CSMD3: variants seen among roughly 807,000 people sequenced by gnomAD.
The protein encoded by CSMD3 is CUB and sushi domain-containing protein 3.
In CSMD3, 177 loss-of-function variants were observed where a neutral mutation model predicts 435.2. The ratio of observed to expected loss-of-function variants is 0.41; its 90% CI spans 0.36 to 0.46. The LOEUF (loss-of-function observed/expected upper bound fraction) is 0.46, where lower values mean the gene tolerates loss of function less well. Among genes scored for constraint, CSMD3 ranks in the 20% least tolerant of loss-of-function variants. CSMD3 has a pLI of 0.34. For synonymous variants in CSMD3, 1,656 were observed against 1,520.5 expected (o/e 1.09, Z -2.07); for missense variants, 4,265 against 4,504.6 (o/e 0.95, Z 1.52).
rs2093295863 is a variant in CSMD3 at position 113,248,185 on chromosome 8, T to C, written c.514+30407A>G. ...TGGTGATAATTTAATGAAGCATAAA[T>C]TGTTCTTCTGAACTGGCTCTCGTTA... On this transcript the variant is annotated intron_variant, in intron 3 of 70. Coordinates refer to ENST00000297405, the MANE Select transcript of CSMD3 (RefSeq NM_198123.2). Among the ~76,000 whole-genome samples, 5 of 151,830 alleles carry C rather than the reference T, an allele frequency of 3.3e-5. No individual in the cohort carries two copies. The South Asian group carries it at 1.0e-3, about 31-fold the overall frequency.
At chr8:112,694,006 T>A (rs2076196593) in intron 13 of CSMD3, among the ~76,000 whole-genome samples, 1 of 151,846 alleles carries the variant, frequency 6.6e-6, no homozygotes, top group Non-Finnish European at 1.5e-5. Flanking sequence ...ATGTTGTCAT[T>A]TCCTAAATAT....
intron 28 of CSMD3, among the ~76,000 whole-genome samples, chr8:112,516,317 T>C (rs16883777): frequency 0.012 from 1,827 of 152,248 alleles, 40 homozygotes; most frequent in African/African-American, 0.041. Flanking sequence ...AAATGTGTCG[T>C]AAATTCAAGA....
At chr8:113,080,138 A>C (rs543983215) in intron 5 of CSMD3, among the ~76,000 whole-genome samples, 3 of 152,124 alleles carry the variant, frequency 2.0e-5, no homozygotes, top group Non-Finnish European at 4.4e-5. Flanking sequence ...ATACTGAGTG[A>C]TGTTTGATGA....
At chr8:113,142,137 G>GGA (rs755166433) in intron 4 of CSMD3, among the ~76,000 whole-genome samples, 11 of 150,990 alleles carry the variant, frequency 7.3e-5, no homozygotes, top group Non-Finnish European at 8.9e-5. Context: ...CTAAGTAAAT[G>GGA]GAGAGGCTGT....
At chr8:113,051,635 T>G (rs1251587765) in intron 5 of CSMD3, among the ~76,000 whole-genome samples, 1 of 152,206 alleles carries the variant, frequency 6.6e-6, no homozygotes, top group Non-Finnish European at 1.5e-5. Context: ...TAAGGTCTAA[T>G]ATGTTAACTA....
chr8:112,281,453 A>C (rs1171577216), intron 58 of CSMD3, 103 bp from the exon 59 acceptor site: 2 of 911,336 alleles, frequency 2.2e-6, no homozygotes, highest in Non-Finnish European at 3.5e-6. Flanking sequence ...TCAAAGAAGC[A>C]ATAAAAACTT....
intron 58 of CSMD3, among the ~76,000 whole-genome samples, chr8:112,283,893 A>C (rs571423714): frequency 6.6e-6 from 1 of 151,966 alleles, no homozygotes; most frequent in Admixed American, 6.6e-5. Context: ...AGAAGTGAGG[A>C]CCTGAAATAT....
intron 32 of CSMD3, among the ~76,000 whole-genome samples, chr8:112,439,876 C>T (rs1814803868): frequency 6.6e-6 from 1 of 151,704 alleles, no homozygotes. Context: ...CCCCCGCCAA[C>T]ATGTGAAGAT....
chr8:112,227,430 G>C (rs1392768975), intron 70 of CSMD3, among the ~76,000 whole-genome samples: 1 of 152,138 alleles, frequency 6.6e-6, no homozygotes, highest in South Asian at 2.1e-4. Flanking sequence ...AATAAGTACA[G>C]TTTCCCTTTG....
At chr8:112,329,742 G>T (rs1348243540) in intron 45 of CSMD3, among the ~76,000 whole-genome samples, 1 of 151,950 alleles carries the variant, frequency 6.6e-6, no homozygotes, top group Admixed American at 6.6e-5. Context: ...TTATCAACTG[G>T]GCATATACAT....
Position 113,319,614 on chromosome 8 carries a change from G to C in CSMD3, c.179-4821C>G, listed in dbSNP as rs142739263. ...TTTGTAGTTTGAGCTTTTTGGAGTGGTATCAAAATTAATTGCCAAAGCCAA... is the reference window on the plus strand; with the variant it reads ...TTTGTAGTTTGAGCTTTTTGGAGTGCTATCAAAATTAATTGCCAAAGCCAA... On this transcript the variant is annotated intron_variant, in intron 1 of 70. Coordinates refer to ENST00000297405, the MANE Select transcript of CSMD3 (RefSeq NM_198123.2). Among the ~76,000 whole-genome samples, 155 of 151,902 alleles carry C rather than the reference G, an allele frequency of 1.0e-3. 2 individuals are homozygous for C. The highest frequency in any genetic ancestry group is 3.5e-3 in the African/African-American group (145 of 41,504).
intron 24 of CSMD3, among the ~76,000 whole-genome samples, chr8:112,564,391 TTCTCC>T (rs758481590): frequency 8.9e-5 from 13 of 145,480 alleles, no homozygotes; most frequent in East Asian, 6.8e-4. Context: ...CTTCCCTCTC[TTCTCC>T]TCTCCTCTCC....
intron 13 of CSMD3, among the ~76,000 whole-genome samples, chr8:112,765,805 A>C (rs1018670140): frequency 6.6e-6 from 1 of 151,670 alleles, no homozygotes; most frequent in Non-Finnish European, 1.5e-5. Flanking sequence ...ACTCGGAAAG[A>C]TCTCCTAGGT....
chr8:113,344,505 T>C (rs1263530267), intron 1 of CSMD3, among the ~76,000 whole-genome samples: 1 of 152,158 alleles, frequency 6.6e-6, no homozygotes, highest in Admixed American at 6.6e-5. Context: ...TGCTTCGAAA[T>C]AATGTGAAAT....
At chr8:112,801,344 G>A (rs1192959306) in intron 12 of CSMD3, among the ~76,000 whole-genome samples, 1 of 151,980 alleles carries the variant, frequency 6.6e-6, no homozygotes, top group Non-Finnish European at 1.5e-5. Context: ...TGCCCTGTGC[G>A]TAGTCAACTA....
chr8:112,268,373 A>C (rs1817153517), intron 59 of CSMD3, among the ~76,000 whole-genome samples: 1 of 152,232 alleles, frequency 6.6e-6, no homozygotes, highest in Non-Finnish European at 1.5e-5. Context: ...CTAAGTAAAT[A>C]ACCTCTATGC....
intron 10 of CSMD3, among the ~76,000 whole-genome samples, chr8:112,888,504 C>T (rs546913561): frequency 9.9e-5 from 15 of 151,590 alleles, no homozygotes; most frequent in African/African-American, 3.6e-4. Context: ...ACAGGTGAGG[C>T]GTTGAAACAA....
chr8:113,429,994 T>C (rs1430425343), intron 1 of CSMD3, among the ~76,000 whole-genome samples: 2 of 152,192 alleles, frequency 1.3e-5, no homozygotes, highest in African/African-American at 2.4e-5. Flanking sequence ...AATATCAGAA[T>C]GCAGGGGATG....
chr8:112,523,222 G>A (rs1452057127), intron 27 of CSMD3, among the ~76,000 whole-genome samples: 1 of 151,866 alleles, frequency 6.6e-6, no homozygotes, highest in Non-Finnish European at 1.5e-5. Flanking sequence ...ACCGTATTAA[G>A]AAAAGATATT....
Sources: gnomAD v4.1 joint callset for allele counts (sites outside exome capture counted in the v4.1 genomes callset) on GRCh38, gnomAD v4.1.1 for gene constraint, MANE v1.5 for transcripts, NCBI Gene and HGNC (gene_info 2026-07-23, HGNC 2026-07-21) for gene names.